The following MGAT5 variants were observed in gnomAD, a reference collection of about 807,000 sequenced individuals.
The protein encoded by MGAT5 is alpha-1,6-mannosylglycoprotein 6-beta-N-acetylglucosaminyltransferase A.
A neutral mutation model predicts 94.3 loss-of-function variants in MGAT5; 30 were observed. That is an observed-to-expected ratio of 0.32 (90% CI 0.24 to 0.43). The LOEUF is 0.43. Among genes scored for constraint, MGAT5 ranks in the 20% least tolerant of loss-of-function variants. The pLI, the probability that MGAT5 is intolerant of heterozygous loss-of-function variation, is 1.00. For synonymous variants in MGAT5, 310 were observed against 322.9 expected (o/e 0.96, Z 0.43); for missense variants, 691 against 905.5 (o/e 0.76, Z 3.04).
intron 12 of MGAT5, 100 bp downstream of exon 12, chr2:134,413,115 G>A (rs1234807117): frequency 2.2e-6 from 3 of 1,341,624 alleles, no homozygotes; most frequent in East Asian, 2.5e-5. Flanking sequence ...TGATTGGGTG[G>A]GAGGGTGAGG....
At chr2:134,331,306 A>G (rs1687954708) in intron 4 of MGAT5, among the ~76,000 whole-genome samples, 1 of 152,106 alleles carries the variant, frequency 6.6e-6, no homozygotes, top group African/African-American at 2.4e-5. Context: ...ATGTGCATTG[A>G]TGTTCTAAAG....
chr2:134,291,292 A>G (rs920954448), intron 2 of MGAT5, among the ~76,000 whole-genome samples: 15 of 152,112 alleles, frequency 9.9e-5, no homozygotes, highest in African/African-American at 3.6e-4. Flanking sequence ...TTGCCCTTAG[A>G]AGAAGACACC....
At chr2:134,189,607 T>TTTTTTTTTTTTTTTTTTTTTTTTG (rs1553490420) in intron 1 of MGAT5, among the ~76,000 whole-genome samples, 5 of 80,618 alleles carry the variant, frequency 6.2e-5, no homozygotes, top group African/African-American at 1.1e-4. Context: ...TTTTTGTTTT[T>TTTTTTTTTTTTTTTTTTTTTTTTG]TTTTTTTTTT....
intron 1 of MGAT5, among the ~76,000 whole-genome samples, chr2:134,269,322 C>G (rs1242940327): frequency 1.3e-5 from 2 of 152,128 alleles, no homozygotes; most frequent in South Asian, 4.2e-4. Flanking sequence ...GCCAGATTAC[C>G]GCATCTGCTC....
At chr2:134,195,218 G>C (rs1214925658) in intron 1 of MGAT5, among the ~76,000 whole-genome samples, 1 of 152,134 alleles carries the variant, frequency 6.6e-6, no homozygotes, top group Non-Finnish European at 1.5e-5. Context: ...CCACCTAAGA[G>C]GGTGACTTGA....
intron 2 of MGAT5, among the ~76,000 whole-genome samples, chr2:134,281,710 C>G (rs1388092810): frequency 2.0e-5 from 3 of 152,260 alleles, no homozygotes. Context: ...TGTACCTTCC[C>G]ACTCCAAAAT....
intron 1 of MGAT5, among the ~76,000 whole-genome samples, chr2:134,164,886 C>A (rs553921212): frequency 5.0e-4 from 76 of 150,610 alleles, no homozygotes; most frequent in African/African-American, 1.5e-3. Context: ...ACAACAACAA[C>A]AAAAAAACAA....
intron 11 of MGAT5, 104 bp from the exon 12 acceptor site, chr2:134,412,765 A>G (rs1169910455): frequency 3.0e-5 from 43 of 1,435,142 alleles, no homozygotes; most frequent in Non-Finnish European, 3.5e-5. Flanking sequence ...AGGTGTCCAC[A>G]CGGGAATGGG....
intron 1 of MGAT5, among the ~76,000 whole-genome samples, chr2:134,171,313 T>C (rs988786969): frequency 2.0e-5 from 3 of 152,212 alleles, no homozygotes; most frequent in African/African-American, 7.2e-5. Context: ...GTAATGGTGC[T>C]ATTTTTAAAA....
intron 1 of MGAT5, among the ~76,000 whole-genome samples, chr2:134,236,341 T>C (rs1681637022): frequency 6.6e-6 from 1 of 152,184 alleles, no homozygotes; most frequent in African/African-American, 2.4e-5. Flanking sequence ...CCACAGGATC[T>C]CCATGAAACC....
intron 1 of MGAT5, among the ~76,000 whole-genome samples, chr2:134,130,314 T>G (rs1686087007): frequency 6.9e-6 from 1 of 144,010 alleles, no homozygotes; most frequent in South Asian, 2.2e-4. Flanking sequence ...GCCTCCCCAG[T>G]AGCCCCAGCC....
chr2:134,191,640 C>T (rs868067034), intron 1 of MGAT5, among the ~76,000 whole-genome samples: 19 of 149,358 alleles, frequency 1.3e-4, no homozygotes, highest in Non-Finnish European at 1.9e-4. Flanking sequence ...CTCGCGCGAG[C>T]GGGTTCCTGA....
chr2:134,230,799 G>C (rs1257213), intron 1 of MGAT5, among the ~76,000 whole-genome samples: 133,699 of 152,114 alleles, frequency 0.88, 58,981 homozygotes, highest in East Asian at 0.95. Context: ...AATTCTACTC[G>C]TAGGTATATA....
chr2:134,433,652 T>C (rs1215588130), intron 14 of MGAT5, among the ~76,000 whole-genome samples: 2 of 152,162 alleles, frequency 1.3e-5, no homozygotes, highest in African/African-American at 2.4e-5. Flanking sequence ...GAATGGTCGG[T>C]TTCAGCCTGG....
intron 9 of MGAT5, among the ~76,000 whole-genome samples, 153 bp downstream of exon 9, chr2:134,350,091 T>TTTGGTTGTTTTTG: frequency 6.6e-6 from 1 of 151,716 alleles, no homozygotes; most frequent in Admixed American, 6.6e-5. Context: ...CTGAATTTGT[T>TTTGGTTGTTTTTG]TTTTTGTTTT....
intron 1 of MGAT5, among the ~76,000 whole-genome samples, chr2:134,131,752 T>C (rs1686184661): frequency 6.6e-6 from 1 of 151,254 alleles, no homozygotes; most frequent in Non-Finnish European, 1.5e-5. Context: ...CTTTGGCCAG[T>C]GGGATGTTAG....
At chr2:134,146,833 T>C (rs917709382) in intron 1 of MGAT5, among the ~76,000 whole-genome samples, 3 of 152,196 alleles carry the variant, frequency 2.0e-5, no homozygotes, top group Non-Finnish European at 2.9e-5. Context: ...CATTCTCTTC[T>C]GCATTTCATT....
At chr2:134,157,012 T>A (rs1255630315) in intron 1 of MGAT5, among the ~76,000 whole-genome samples, 1 of 152,288 alleles carries the variant, frequency 6.6e-6, no homozygotes. Context: ...AGCCTCCAGA[T>A]ATGGAGGAAC....
At chr2:134,137,335 C>T (rs1686455826) in intron 1 of MGAT5, among the ~76,000 whole-genome samples, 1 of 152,204 alleles carries the variant, frequency 6.6e-6, no homozygotes, top group Admixed American at 6.5e-5. Context: ...TGCACTTCCT[C>T]TTGGCTTCCC....
Sources: gnomAD v4.1 joint callset for allele counts (sites outside exome capture counted in the v4.1 genomes callset) on GRCh38, gnomAD v4.1.1 for gene constraint, MANE v1.5 for transcripts, NCBI Gene and HGNC (gene_info 2026-07-23, HGNC 2026-07-21) for gene names.